The following TCF20 variants were observed in gnomAD, a reference collection of about 807,000 sequenced individuals.
The protein encoded by TCF20 is transcription factor 20.
In TCF20, 3 loss-of-function variants were observed where a neutral mutation model predicts 148.6. That is an observed-to-expected ratio of 0.02 (90% CI 0.01 to 0.05). The LOEUF is 0.05. Among genes scored for constraint, TCF20 ranks in the 10% least tolerant of loss-of-function variants. The pLI, the probability that TCF20 is intolerant of heterozygous loss-of-function variation, is 1.00. For missense variants in TCF20, 2,350 were observed against 2,429.3 expected (o/e 0.97, Z 0.69); for synonymous variants, 1,049 against 909.5 (o/e 1.15, Z -2.76).
chr22:42,316,678 C>T (rs1601704322), intron 1 of TCF20, among the ~76,000 whole-genome samples: 1 of 152,126 alleles, frequency 6.6e-6, no homozygotes, highest in Admixed American at 6.5e-5. Context: ...TCAAGTGATC[C>T]GCCTTCCTCG....
intron 1 of TCF20, among the ~76,000 whole-genome samples, chr22:42,329,301 G>A (rs5758710): frequency 0.036 from 5,472 of 152,322 alleles, 316 homozygotes; most frequent in East Asian, 0.29. Context: ...GCTTCCATCC[G>A]CCCAGCTGTG....
intron 1 of TCF20, among the ~76,000 whole-genome samples, chr22:42,295,737 G>T (rs970840310): frequency 6.6e-6 from 1 of 152,148 alleles, no homozygotes; most frequent in African/African-American, 2.4e-5. Context: ...ACCGCGCCCG[G>T]CCTACTCCCT....
intron 1 of TCF20, among the ~76,000 whole-genome samples, chr22:42,293,852 T>G (rs1344291613): frequency 6.6e-6 from 1 of 152,142 alleles, no homozygotes; most frequent in East Asian, 1.9e-4. Flanking sequence ...TTACAAAAAT[T>G]AGCCGGGTGT....
chr22:42,256,446 G>C (rs1349151973), intron 1 of TCF20, among the ~76,000 whole-genome samples: 25 of 150,778 alleles, frequency 1.7e-4, no homozygotes, highest in Admixed American at 1.7e-3. Flanking sequence ...CCAACTTTCA[G>C]CACATGCGCT....
At chr22:42,201,974 T>C (rs1444929241) in intron 2 of TCF20, among the ~76,000 whole-genome samples, 1 of 152,190 alleles carries the variant, frequency 6.6e-6, no homozygotes, top group Non-Finnish European at 1.5e-5. Context: ...TGTTGGCTGA[T>C]GCTATTTCAT....
At chr22:42,216,711 G>A (rs748690212) in intron 1 of TCF20, among the ~76,000 whole-genome samples, 1 of 152,200 alleles carries the variant, frequency 6.6e-6, no homozygotes, top group African/African-American at 2.4e-5. Flanking sequence ...AGAATTAGAA[G>A]CAATCATCTT....
chr22:42,333,091 G>A (rs888948091), intron 1 of TCF20, among the ~76,000 whole-genome samples: 19 of 152,252 alleles, frequency 1.2e-4, no homozygotes, highest in African/African-American at 3.1e-4. Flanking sequence ...GCCTGGCTGC[G>A]TCACTCTGCC....
At chr22:42,178,829 G>A (rs937390193) in intron 3 of TCF20, among the ~76,000 whole-genome samples, 3 of 151,046 alleles carry the variant, frequency 2.0e-5, no homozygotes, top group Non-Finnish European at 2.9e-5. Context: ...CCACCCGCCC[G>A]GCCTACAAAT....
At position 42,213,114 on chromosome 22, in the gene TCF20, T is replaced by G. The variant is rs1921199011; in HGVS notation, c.2192A>C (p.Gln731Pro). Residue 731 changes from glutamine to proline, a missense_variant, in exon 2 of 6, where the codon CAA becomes CCA. Gln to Pro is a moderately conservative substitution (Grantham distance 76, BLOSUM62 -1). This residue lies in a region of TCF20 where 1,641 missense variants were observed against 1,662.6 expected (regional missense o/e 0.99). Coordinates refer to ENST00000677622, the MANE Select transcript of TCF20 (RefSeq NM_001378418.1). Reference sequence around the variant, plus strand: ...ATGGCCAGTGAAATCTCCCTTTTCTTGCCCTGTAGGATACTGAGGAAAGCC... The same window carrying G: ...ATGGCCAGTGAAATCTCCCTTTTCTGGCCCTGTAGGATACTGAGGAAAGCC... ...VSGFPQYPTG[Q>P]EKGDFTGHGE... is the part of the protein sequence containing the mutation. The G allele has an allele frequency of 6.2e-7, 1 of 1,614,078 alleles. No homozygotes were observed. The highest frequency in any genetic ancestry group is 1.3e-5 in the African/African-American group (1 of 74,932).
intron 1 of TCF20, chr22:42,278,736 T>C (rs982115222): frequency 6.6e-6 from 1 of 152,282 alleles, no homozygotes; most frequent in Non-Finnish European, 1.5e-5. Context: ...CTAAGTGCAT[T>C]ACCTGCGTCC....
In TCF20 at chr22:42,213,130, G is replaced by C; in HGVS notation, c.2176C>G (p.Gln726Glu). 6.2e-7 allele frequency: 1 copy of C among 1,614,164 alleles called. No homozygotes were observed. The highest frequency in any genetic ancestry group is 8.5e-7 in the Non-Finnish European group (1 of 1,180,032). The change falls in exon 2 of 6, where the codon CAG becomes GAG. Residue 726 changes from glutamine to glutamate, a missense_variant. This residue lies in a region of TCF20 where 1,641 missense variants were observed against 1,662.6 expected (regional missense o/e 0.99). Coordinates refer to ENST00000677622, the MANE Select transcript of TCF20 (RefSeq NM_001378418.1). ...CCCTTTTCTTGCCCTGTAGGATACT[G>C]AGGAAAGCCACTGACATTTCGTGGC... Reference protein sequence around the residue: ...AVPRNVSGFPQYPTGQEKGDF... With the variant: ...AVPRNVSGFPEYPTGQEKGDF...
intron 1 of TCF20, among the ~76,000 whole-genome samples, chr22:42,301,114 C>A (rs916089776): frequency 2.0e-5 from 3 of 151,916 alleles, no homozygotes; most frequent in Admixed American, 6.6e-5. Flanking sequence ...TAAATGGCTG[C>A]TGGAAGCCAG....
At chr22:42,308,190 G>A (rs1024064978) in intron 1 of TCF20, among the ~76,000 whole-genome samples, 8 of 152,148 alleles carry the variant, frequency 5.3e-5, no homozygotes, top group African/African-American at 1.2e-4. Context: ...GGGGCTATGG[G>A]GGTGACGGAA....
chr22:42,178,585 CTTTTTTTTTTTT>C (rs71184870), intron 3 of TCF20, among the ~76,000 whole-genome samples: 2 of 78,428 alleles, frequency 2.6e-5, no homozygotes, highest in East Asian at 3.1e-4. Flanking sequence ...ACAAATAATT[CTTTTTTTTTTTT>C]TTTTTTTTTT....
At chr22:42,183,750 G>A (rs1472128338) in intron 2 of TCF20, among the ~76,000 whole-genome samples, 1 of 151,666 alleles carries the variant, frequency 6.6e-6, no homozygotes, top group Non-Finnish European at 1.5e-5. Flanking sequence ...AGACTCTCAA[G>A]TGATTGTTCA....
intron 1 of TCF20, among the ~76,000 whole-genome samples, chr22:42,295,246 C>G (rs2147029427): frequency 6.6e-6 from 1 of 152,206 alleles, no homozygotes. Context: ...TGCACCATAG[C>G]CACCCTAAAC....
At chr22:42,272,138 C>T (rs1320201718), upstream of TCF20, among the ~76,000 whole-genome samples, 2 of 152,242 alleles carry the variant, frequency 1.3e-5, no homozygotes, top group Non-Finnish European at 2.9e-5. Context: ...GCATGCCAGG[C>T]TCTTCCGGGG....
intron 3 of TCF20, among the ~76,000 whole-genome samples, chr22:42,177,563 C>T (rs1044313228): frequency 6.6e-6 from 1 of 151,896 alleles, no homozygotes; most frequent in Non-Finnish European, 1.5e-5. Context: ...TGAGTCAAAA[C>T]TCAAGTCTTC....
chr22:42,316,639 T>A (rs1352269000), intron 1 of TCF20, among the ~76,000 whole-genome samples: 6 of 130,250 alleles, frequency 4.6e-5, no homozygotes, highest in Non-Finnish European at 8.0e-5. Context: ...GGTTTCACCA[T>A]GTTGGCCAGG....
Sources: gnomAD v4.1 joint callset for allele counts (sites outside exome capture counted in the v4.1 genomes callset) on GRCh38, gnomAD v4.1.1 for gene constraint, gnomAD v4.1.1 regional missense constraint, MANE v1.5 for transcripts, NCBI Gene and HGNC (gene_info 2026-07-23, HGNC 2026-07-21) for gene names.